The following PHF8 variants were observed in gnomAD, a reference collection of about 807,000 sequenced individuals.
The protein encoded by PHF8 is histone lysine demethylase PHF8.
A neutral mutation model predicts 74.4 loss-of-function variants in PHF8; 9 were observed. The ratio of observed to expected loss-of-function variants is 0.12; its 90% CI spans 0.07 to 0.21. The LOEUF (loss-of-function observed/expected upper bound fraction) is 0.21. Among genes scored for constraint, PHF8 ranks in the 10% least tolerant of loss-of-function variants. The pLI is 1.00. For synonymous variants in PHF8, 311 were observed against 316.6 expected (o/e 0.98, Z 0.19); for missense variants, 478 against 816.6 (o/e 0.59, Z 5.05).
At chrX:53,974,299 T>G (rs1189882932) in intron 18 of PHF8, among the ~76,000 whole-genome samples, 7 of 109,020 alleles carry the variant, frequency 6.4e-5, no homozygotes, top group Non-Finnish European at 1.1e-4. Context: ...CATGCGGCCA[T>G]CATATGAAAA....
chrX:54,029,896 T>G (rs953361699), intron 2 of PHF8, among the ~76,000 whole-genome samples: 5 of 111,300 alleles, frequency 4.5e-5, no homozygotes, highest in Non-Finnish European at 9.4e-5. Context: ...CCACAGAACA[T>G]TAAACCTCAG....
intron 19 of PHF8, among the ~76,000 whole-genome samples, chrX:53,962,114 ATAGTAGGTCT>A (rs2065115194): frequency 8.9e-6 from 1 of 111,813 alleles, no homozygotes; most frequent in African/African-American, 3.2e-5. Flanking sequence ...GCCATCTTAG[ATAGTAGGTCT>A]TAGTAGGACT....
intron 18 of PHF8, among the ~76,000 whole-genome samples, chrX:53,965,939 C>T (rs1448321626): frequency 9.1e-6 from 1 of 110,295 alleles, no homozygotes; most frequent in Non-Finnish European, 1.9e-5. Flanking sequence ...CAAAAACTGT[C>T]CCTAAGGAAG....
chrX:53,950,263 G>T (rs782609329), intron 19 of PHF8, among the ~76,000 whole-genome samples: 10 of 111,698 alleles, frequency 9.0e-5, no homozygotes, highest in Non-Finnish European at 1.9e-4. Context: ...AGTACTAAAA[G>T]CCTCTCCCTC....
intron 20 of PHF8, among the ~76,000 whole-genome samples, chrX:53,942,085 C>T (rs1188309151): frequency 8.9e-6 from 1 of 111,837 alleles, no homozygotes; most frequent in Non-Finnish European, 1.9e-5. Flanking sequence ...CAGATACTCC[C>T]ACAGACAACT....
chrX:53,962,783 T>C (rs2065124310), intron 19 of PHF8, 61 bp downstream of exon 19: 1 of 634,878 alleles, frequency 1.6e-6, no homozygotes, highest in African/African-American at 2.2e-5. Flanking sequence ...ATATCCCACC[T>C]ACCTTGTCTA....
upstream of PHF8, among the ~76,000 whole-genome samples, chrX:54,046,147 A>G (rs1316005885): frequency 9.0e-6 from 1 of 110,667 alleles, no homozygotes; most frequent in Admixed American, 9.7e-5. Context: ...AGGCCTCGCT[A>G]TATTGCTCAG....
chrX:53,958,876 T>C (rs1479592382), intron 19 of PHF8, among the ~76,000 whole-genome samples: 1 of 109,258 alleles, frequency 9.2e-6, no homozygotes, highest in African/African-American at 3.3e-5. Flanking sequence ...CTTTTCATTG[T>C]ATAACCTCAC....
chrX:53,948,742 G>A (rs1381881477), intron 19 of PHF8, among the ~76,000 whole-genome samples: 1 of 111,146 alleles, frequency 9.0e-6, no homozygotes, highest in African/African-American at 3.3e-5. Context: ...AAAAATTGTC[G>A]GCCGGGCACG....
At position 54,007,353 on chromosome X, in the gene PHF8, C is replaced by A. The variant is rs147706303; in HGVS notation, c.946+3769G>T. Among the ~76,000 whole-genome samples the A allele has an allele frequency of 1.4e-3, 160 of 111,186 alleles. 1 individual carries two copies. In the East Asian group the frequency reaches 0.037, roughly 26 times the overall value. On this transcript the variant is annotated intron_variant, in intron 8 of 21. Transcript: ENST00000338154. ...TAAATCTTCATGACCTTGAATTAAG[C>A]AAGCCTCTTAGACACCAAAAGCATA...
intron 12 of PHF8, 52 bp downstream of exon 12, chrX:53,995,641 G>C: frequency 2.5e-6 from 2 of 806,584 alleles, no homozygotes; most frequent in Non-Finnish European, 1.9e-6. Context: ...CCTGCCACTT[G>C]AGCCTCAAGG....
rs782512221 is a variant in PHF8, at chrX:54,028,671, TTCTG to T, written c.99-5832_99-5829del. 7.5e-4 allele frequency among the ~76,000 whole-genome samples: 84 copies of T among 111,828 alleles called. 1 individual carries two copies. The highest frequency in any genetic ancestry group is 2.6e-3 in the African/African-American group (80 of 30,765). Reference sequence around the variant, plus strand: ...CAACATGTCCAAACTCAGTTTCTCCTTCTGTCTGTCACCTAAACATGCTCCCTTC... The same window carrying T: ...CAACATGTCCAAACTCAGTTTCTCCTTCTGTCACCTAAACATGCTCCCTTC... On this transcript the variant is annotated intron_variant, in intron 2 of 21. Coordinates refer to ENST00000338154, the MANE Select transcript of PHF8 (RefSeq NM_015107.3).
In PHF8 at chrX:54,027,052, C is replaced by T. The variant is rs2066278452; in HGVS notation, c.99-4209G>A. On this transcript the variant is annotated intron_variant, in intron 2 of 21. Transcript: ENST00000338154. ...TCTACACCCATCCTTTTTTTCCTATCACAACAAAAGTACTATCTTTCCTTC... is the reference window on the plus strand; with the variant it reads ...TCTACACCCATCCTTTTTTTCCTATTACAACAAAAGTACTATCTTTCCTTC... 2.7e-5 allele frequency among the ~76,000 whole-genome samples: 3 copies of T among 111,220 alleles called. No individual in the cohort carries two copies. The Admixed American group carries it at 2.9e-4, about 11-fold the overall frequency.
rs1406229263 is a variant in PHF8, at chrX:53,938,224, C to T, written c.*934G>A. ...TCCAGGCTGTGCTCTGTGGTATAGG[C>T]GGAGCAAGCAGGCTGTAGGGCCAGG... On this transcript the variant is annotated 3_prime_UTR_variant, in exon 22 of 22. Coordinates refer to ENST00000338154, the MANE Select transcript of PHF8 (RefSeq NM_015107.3). 1.5e-5 allele frequency: 16 copies of T among 1,048,763 alleles called. No homozygotes were observed. Among genetic ancestry groups the T allele is most frequent in the Admixed American group, 3.9e-5 (1 of 25,466 alleles). 86.4% of individuals were successfully genotyped at this position (1,048,763 alleles called of 1,213,427 possible). A position where few individuals can be genotyped will look rare whatever the true frequency, so the allele number is the denominator to read the frequency against.
At chrX:54,005,679 G>A (rs1196160385) in intron 8 of PHF8, among the ~76,000 whole-genome samples, 2 of 107,480 alleles carry the variant, frequency 1.9e-5, no homozygotes, top group African/African-American at 3.4e-5. Context: ...ATCTATAGGG[G>A]AAAAACAATT....
At chrX:54,046,248 C>T (rs1473849333), upstream of PHF8, among the ~76,000 whole-genome samples, 1 of 110,310 alleles carries the variant, frequency 9.1e-6, no homozygotes, top group Non-Finnish European at 1.9e-5. Flanking sequence ...TTTAATGGGA[C>T]CTGAAGCTTA....
At position 53,939,030 on chromosome X, in the gene PHF8, G is replaced by C. The variant is rs782206759; in HGVS notation, c.*128C>G. Reference sequence around the variant, plus strand: ...GTGGAGGGGTCCGTGCCTTTGGTAAGTCCCAAGAAAGCAGGACAATGCACC... The same window carrying C: ...GTGGAGGGGTCCGTGCCTTTGGTAACTCCCAAGAAAGCAGGACAATGCACC... On this transcript the variant is annotated 3_prime_UTR_variant, in exon 22 of 22. Coordinates refer to ENST00000338154, the MANE Select transcript of PHF8 (RefSeq NM_015107.3). 41 of 1,089,790 alleles carry C rather than the reference G, an allele frequency of 3.8e-5. No individual in the cohort carries two copies. In the African/African-American group the frequency reaches 6.1e-4, roughly 16 times the overall value. 89.8% of individuals were successfully genotyped at this position (1,089,790 alleles called of 1,213,427 possible).
chrX:54,033,082 GACCAA>G (rs1557113022), intron 2 of PHF8, among the ~76,000 whole-genome samples: 4 of 111,150 alleles, frequency 3.6e-5, no homozygotes, highest in Non-Finnish European at 7.5e-5. Context: ...TAGCACCAAA[GACCAA>G]GTGGGGAACC....
At chrX:53,949,539 G>A (rs1265435769) in intron 19 of PHF8, among the ~76,000 whole-genome samples, 2 of 109,683 alleles carry the variant, frequency 1.8e-5, no homozygotes, top group Non-Finnish European at 3.8e-5. Flanking sequence ...TTGGCCGGGC[G>A]CTGTGGCTCA....
Sources: allele counts gnomAD v4.1 joint callset (sites outside exome capture counted in the v4.1 genomes callset), GRCh38; gene constraint gnomAD v4.1.1; transcripts MANE v1.5; gene names NCBI Gene and HGNC (gene_info 2026-07-23, HGNC 2026-07-21).